Variants in ST6GALNAC5 observed in about 807,000 individuals in gnomAD.
ST6GALNAC5 encodes the protein alpha-N-acetylgalactosaminide alpha-2,6-sialyltransferase 5.
In ST6GALNAC5, 27 loss-of-function variants were observed where a neutral mutation model predicts 33.6. The observed-to-expected ratio is 0.80, with a 90% CI of 0.59 to 1.11. The LOEUF is 1.11. Ranked by LOEUF, ST6GALNAC5 falls within the 50% of genes least tolerant of loss-of-function variation. ST6GALNAC5 has a pLI of 0.00. For synonymous variants in ST6GALNAC5, 194 were observed against 171.2 expected, an observed-to-expected ratio of 1.13 and a Z score of -1.04; for missense variants, 428 against 454.0, an observed-to-expected ratio of 0.94 and a Z score of 0.52.
At chr1:76,976,114 TA>T (rs1451850733) in intron 2 of ST6GALNAC5, among the ~76,000 whole-genome samples, 2 of 151,744 alleles carry the variant, frequency 1.3e-5, no homozygotes, top group Non-Finnish European at 2.9e-5. Flanking sequence ...AAAATTAAAA[TA>T]AAAAAATTAA....
intron 2 of ST6GALNAC5, among the ~76,000 whole-genome samples, chr1:76,880,878 A>C (rs892044914): frequency 2.0e-5 from 3 of 152,220 alleles, no homozygotes; most frequent in African/African-American, 7.2e-5. Flanking sequence ...ATTTGCAGTC[A>C]GGTCTGTCTT....
intron 2 of ST6GALNAC5, among the ~76,000 whole-genome samples, chr1:76,905,305 C>A (rs1277050777): frequency 6.6e-6 from 1 of 152,034 alleles, no homozygotes; most frequent in Non-Finnish European, 1.5e-5. Flanking sequence ...AGAGTAGATC[C>A]CTTCCAGCCT....
chr1:76,875,964 C>G (rs561143163), intron 2 of ST6GALNAC5, among the ~76,000 whole-genome samples: 1 of 152,204 alleles, frequency 6.6e-6, no homozygotes, highest in Non-Finnish European at 1.5e-5. Flanking sequence ...CATGAGCCCA[C>G]TGCCACACTA....
chr1:76,969,114 C>T (rs554564669), intron 2 of ST6GALNAC5, among the ~76,000 whole-genome samples: 30 of 152,290 alleles, frequency 2.0e-4, no homozygotes, highest in East Asian at 3.9e-4. Context: ...ACGCAGAACA[C>T]GCATGATTAC....
intron 2 of ST6GALNAC5, among the ~76,000 whole-genome samples, chr1:76,925,231 A>G (rs1647073324): frequency 6.6e-6 from 1 of 152,068 alleles, no homozygotes; most frequent in South Asian, 2.1e-4. Context: ...CCCACGATCC[A>G]ATGCCTCCCA....
chr1:76,953,798 C>T (rs1361337220), intron 2 of ST6GALNAC5, among the ~76,000 whole-genome samples: 1 of 151,940 alleles, frequency 6.6e-6, no homozygotes, highest in Admixed American at 6.6e-5. Context: ...TCATTTAAAT[C>T]CATGATCCAT....
At chr1:76,881,797 T>C (rs1570635024) in intron 2 of ST6GALNAC5, among the ~76,000 whole-genome samples, 1 of 152,250 alleles carries the variant, frequency 6.6e-6, no homozygotes, top group Non-Finnish European at 1.5e-5. Flanking sequence ...GGCCTGTAAC[T>C]AATTCATTTC....
In ST6GALNAC5 at chr1:77,066,641, T is replaced by C. The variant is rs996274615; in HGVS notation, c.*3435T>C. Among the ~76,000 whole-genome samples the C allele has an allele frequency of 6.6e-6, 1 of 152,236 alleles. No homozygotes were observed. Among genetic ancestry groups the C allele is most frequent in the Non-Finnish European group, 1.5e-5 (1 of 68,040 alleles). ...TATATCCTGAATTCCACCAGGGTGA[T>C]GGTTCAAATTGTTAAATAAACCTAC... On this transcript the variant is annotated 3_prime_UTR_variant, in exon 5 of 5. Transcript: ENST00000477717.
intron 2 of ST6GALNAC5, among the ~76,000 whole-genome samples, chr1:76,954,406 G>A (rs551057487): frequency 6.6e-6 from 1 of 152,190 alleles, no homozygotes; most frequent in Admixed American, 6.6e-5. Context: ...AGAGTATCAG[G>A]AAGAATAGCT....
At chr1:76,883,138 C>T (rs1367471452) in intron 2 of ST6GALNAC5, among the ~76,000 whole-genome samples, 1 of 152,144 alleles carries the variant, frequency 6.6e-6, no homozygotes, top group Non-Finnish European at 1.5e-5. Context: ...AGGGAGGAAA[C>T]AAGATAAAGG....
At chr1:77,009,447 G>A (rs184193605) in intron 2 of ST6GALNAC5, among the ~76,000 whole-genome samples, 1 of 152,126 alleles carries the variant, frequency 6.6e-6, no homozygotes, top group Non-Finnish European at 1.5e-5. Context: ...TGCCCAGGTA[G>A]GCAGGGGAAA....
intron 4 of ST6GALNAC5, among the ~76,000 whole-genome samples, chr1:77,054,011 C>T (rs1652311447): frequency 6.6e-6 from 1 of 152,132 alleles, no homozygotes; most frequent in Admixed American, 6.6e-5. Flanking sequence ...CCATTTCAGA[C>T]CATAAGACAA....
chr1:77,055,444 C>A (rs931497460), intron 4 of ST6GALNAC5, among the ~76,000 whole-genome samples: 2 of 152,196 alleles, frequency 1.3e-5, no homozygotes, highest in African/African-American at 4.8e-5. Flanking sequence ...CTGTGCTTAA[C>A]ATGAACACAT....
intron 2 of ST6GALNAC5, among the ~76,000 whole-genome samples, chr1:76,944,562 C>G (rs1647447216): frequency 6.6e-6 from 1 of 151,882 alleles, no homozygotes; most frequent in South Asian, 2.1e-4. Context: ...ATGTGGCATC[C>G]CCAGTGCTGG....
intron 2 of ST6GALNAC5, among the ~76,000 whole-genome samples, chr1:76,935,630 CT>C (rs150227414): frequency 0.014 from 2,188 of 152,028 alleles, 53 homozygotes; most frequent in African/African-American, 0.049. Context: ...TGGTTAATTC[CT>C]TTTTTTCCTC....
chr1:77,016,039 TC>T (rs1223436808), intron 2 of ST6GALNAC5, among the ~76,000 whole-genome samples: 5 of 145,222 alleles, frequency 3.4e-5, no homozygotes, highest in East Asian at 4.3e-4. Context: ...CTCCTCCTCT[TC>T]CCCTCAAATC....
intron 2 of ST6GALNAC5, among the ~76,000 whole-genome samples, chr1:76,921,600 T>C (rs1647035282): frequency 6.6e-6 from 1 of 152,104 alleles, no homozygotes; most frequent in Admixed American, 6.6e-5. Context: ...TTTGGAGAAA[T>C]AGACCAATTC....
chr1:77,044,051 C>G (rs138729670), intron 2 of ST6GALNAC5, among the ~76,000 whole-genome samples, 153 bp from the exon 3 acceptor site: 1 of 152,084 alleles, frequency 6.6e-6, no homozygotes, highest in Non-Finnish European at 1.5e-5. Context: ...CGCAAGGGTC[C>G]ATAAAGTAAT....
intron 2 of ST6GALNAC5, among the ~76,000 whole-genome samples, chr1:77,006,931 G>A (rs897433082): frequency 6.6e-5 from 10 of 152,184 alleles, no homozygotes; most frequent in Admixed American, 4.6e-4. Context: ...AAGCAATGGC[G>A]TGACTAGGCC....
Sources: allele counts gnomAD v4.1 joint callset (sites outside exome capture counted in the v4.1 genomes callset), GRCh38; gene constraint gnomAD v4.1.1; transcripts MANE v1.5; gene names NCBI Gene and HGNC (gene_info 2026-07-23, HGNC 2026-07-21).